The following RBMS3 variants were observed in gnomAD, a reference collection of about 807,000 sequenced individuals.
RBMS3 encodes RNA-binding motif, single-stranded-interacting protein 3.
RBMS3 carries 27 observed loss-of-function variants against 66.8 expected under a neutral mutation model. The observed-to-expected ratio is 0.40, with a 90% CI of 0.30 to 0.56. The LOEUF (loss-of-function observed/expected upper bound fraction) is 0.56, where lower values mean the gene tolerates loss of function less well. Among genes scored for constraint, RBMS3 ranks in the 20% least tolerant of loss-of-function variants. The pLI is 0.40. For synonymous variants in RBMS3, 188 were observed against 183.0 expected (o/e 1.03, Z -0.22); for missense variants, 513 against 549.5 (o/e 0.93, Z 0.66).
rs377250171 is a variant in RBMS3, at chr3:29,611,189, G to A, written c.399+23984G>A. ...TTACTATTTGTGAACTTTACCTTCT[G>A]TTAATATGATTGAAGCAACTGGAAA... On this transcript the variant is annotated intron_variant, in intron 4 of 14. Coordinates refer to ENST00000383767, the MANE Select transcript of RBMS3 (RefSeq NM_001003793.3). Among the ~76,000 whole-genome samples, 6 of 152,088 alleles carry A rather than the reference G, an allele frequency of 3.9e-5. No individual in the cohort carries two copies. In the East Asian group the frequency reaches 7.7e-4, roughly 20 times the overall value.
chr3:29,619,951 C>A (rs1187862293), intron 4 of RBMS3, among the ~76,000 whole-genome samples: 1 of 151,872 alleles, frequency 6.6e-6, no homozygotes, highest in Non-Finnish European at 1.5e-5. Flanking sequence ...TCCCAAGGAA[C>A]TCTGGTATGT....
intron 5 of RBMS3, among the ~76,000 whole-genome samples, chr3:29,760,397 GCCTTT>G (rs986781167): frequency 6.6e-6 from 1 of 151,960 alleles, no homozygotes; most frequent in Non-Finnish European, 1.5e-5. Context: ...ATTCTTAACT[GCCTTT>G]TATCCAGATG....
intron 4 of RBMS3, among the ~76,000 whole-genome samples, chr3:29,629,975 A>C (rs1158890403): frequency 6.6e-6 from 1 of 152,172 alleles, no homozygotes; most frequent in Non-Finnish European, 1.5e-5. Flanking sequence ...TCCCTTTCTC[A>C]TGTTATGAAA....
At chr3:29,311,555 G>A (rs527597420) in intron 1 of RBMS3, among the ~76,000 whole-genome samples, 168 of 151,822 alleles carry the variant, frequency 1.1e-3, no homozygotes, top group Non-Finnish European at 2.1e-3. Context: ...GTGTTCCTGG[G>A]GTGCCATATA....
intron 4 of RBMS3, among the ~76,000 whole-genome samples, chr3:29,715,847 T>C (rs2053371376): frequency 6.6e-6 from 1 of 152,178 alleles, no homozygotes; most frequent in Non-Finnish European, 1.5e-5. Flanking sequence ...TGCCTTATCA[T>C]ATTTGTGTAC....
chr3:29,802,158 A>G (rs532760847), intron 6 of RBMS3, among the ~76,000 whole-genome samples: 1 of 152,340 alleles, frequency 6.6e-6, no homozygotes, highest in Non-Finnish European at 1.5e-5. Flanking sequence ...AAAACCTGAC[A>G]GCAAGCCTGA....
At chr3:29,751,703 C>T (rs1559635147) in intron 5 of RBMS3, among the ~76,000 whole-genome samples, 1 of 152,188 alleles carries the variant, frequency 6.6e-6, no homozygotes, top group Admixed American at 6.5e-5. Flanking sequence ...ATCATGTGAA[C>T]TAAAAGGCAC....
intron 3 of RBMS3, among the ~76,000 whole-genome samples, chr3:29,517,311 A>G (rs867231741): frequency 0.033 from 4,015 of 122,194 alleles, 101 homozygotes; most frequent in South Asian, 0.1. Flanking sequence ...GTGTGTGTAT[A>G]TATATATATT....
intron 1 of RBMS3, among the ~76,000 whole-genome samples, chr3:29,301,132 C>T (rs2033643444): frequency 1.3e-5 from 2 of 151,886 alleles, no homozygotes; most frequent in Non-Finnish European, 2.9e-5. Context: ...AAACAGAAAA[C>T]TGAAGCATGA....
chr3:29,776,435 T>C lies in RBMS3; in HGVS notation c.637+13446T>C, dbSNP rs369713470. ...TAACATTAGGTATATCTCCTAATGC[T>C]ATCCCTCCAACATGGTACATGTATA... On this transcript the variant is annotated intron_variant, in intron 6 of 14. Transcript: ENST00000383767. Among the ~76,000 whole-genome samples the C allele has an allele frequency of 1.6e-4, 25 of 152,126 alleles. No homozygotes were observed. In the East Asian group the frequency reaches 4.8e-3, roughly 29 times the overall value.
intron 1 of RBMS3, among the ~76,000 whole-genome samples, chr3:29,290,420 T>C (rs1171630670): frequency 6.6e-6 from 1 of 151,824 alleles, no homozygotes; most frequent in Non-Finnish European, 1.5e-5. Flanking sequence ...TAATTTCTTC[T>C]TGAAAGATGA....
At chr3:29,996,309 AT>A (rs1699239469) in intron 14 of RBMS3, among the ~76,000 whole-genome samples, 1 of 151,378 alleles carries the variant, frequency 6.6e-6, no homozygotes, top group South Asian at 2.1e-4. Context: ...ACTCCCACAC[AT>A]TAATAATGGG....
At chr3:29,347,814 T>C (rs1025359733) in intron 1 of RBMS3, among the ~76,000 whole-genome samples, 3 of 152,220 alleles carry the variant, frequency 2.0e-5, no homozygotes, top group Non-Finnish European at 2.9e-5. Flanking sequence ...TGCAAACTTG[T>C]TTTCTTTAAC....
At chr3:29,867,367 T>C (rs1340271766) in intron 6 of RBMS3, among the ~76,000 whole-genome samples, 4 of 151,192 alleles carry the variant, frequency 2.6e-5, no homozygotes, top group African/African-American at 9.8e-5. Context: ...AGCTTACACA[T>C]TGGTGTGGTG....
At chr3:29,701,202 G>A (rs1158019557) in intron 4 of RBMS3, among the ~76,000 whole-genome samples, 1 of 151,928 alleles carries the variant, frequency 6.6e-6, no homozygotes, top group African/African-American at 2.4e-5. Flanking sequence ...GCTTGAACCT[G>A]GGAGGCAGAG....
At chr3:29,901,951 C>T (rs2060264812) in intron 10 of RBMS3, among the ~76,000 whole-genome samples, 1 of 151,746 alleles carries the variant, frequency 6.6e-6, no homozygotes, top group Non-Finnish European at 1.5e-5. Flanking sequence ...GTAACTTTAC[C>T]CAACTGGCTT....
chr3:29,902,176 A>T (rs1304877094), intron 10 of RBMS3, among the ~76,000 whole-genome samples: 3 of 151,902 alleles, frequency 2.0e-5, no homozygotes, highest in Non-Finnish European at 4.4e-5. Flanking sequence ...TTTCTGAGCC[A>T]CAGTTTCTCA....
chr3:29,571,447 T>C (rs1033519061), intron 3 of RBMS3, among the ~76,000 whole-genome samples: 4 of 152,192 alleles, frequency 2.6e-5, no homozygotes, highest in African/African-American at 9.6e-5. Context: ...ATATGTTTTT[T>C]GTATATGGTG....
intron 3 of RBMS3, among the ~76,000 whole-genome samples, chr3:29,532,491 A>T (rs2045404094): frequency 6.6e-6 from 1 of 151,832 alleles, no homozygotes; most frequent in African/African-American, 2.4e-5. Flanking sequence ...TTGATTGGAA[A>T]AAGTTTCCAA....
Sources: gnomAD v4.1 joint callset for allele counts (sites outside exome capture counted in the v4.1 genomes callset) on GRCh38, gnomAD v4.1.1 for gene constraint, MANE v1.5 for transcripts, NCBI Gene and HGNC (gene_info 2026-07-23, HGNC 2026-07-21) for gene names.